MINDY2: variants seen among roughly 807,000 people sequenced by gnomAD.
MINDY2 encodes MINDY lysine 48 deubiquitinase 2.
Under a neutral mutation model 68.2 loss-of-function variants are expected in MINDY2, and 52 were observed. The observed-to-expected ratio is 0.76, with a 90% CI of 0.61 to 0.96. The LOEUF is 0.96. Ranked by LOEUF, MINDY2 falls within the 40% of genes least tolerant of loss-of-function variation. The pLI, the probability that MINDY2 is intolerant of heterozygous loss-of-function variation, is 0.00. For synonymous variants in MINDY2, 372 were observed against 303.0 expected, an observed-to-expected ratio of 1.23 and a Z score of -2.36; for missense variants, 881 against 773.4, an observed-to-expected ratio of 1.14 and a Z score of -1.65.
At chr15:58,777,076 A>G (rs1900817420) in intron 1 of MINDY2, among the ~76,000 whole-genome samples, 1 of 152,244 alleles carries the variant, frequency 6.6e-6, no homozygotes, top group African/African-American at 2.4e-5. Flanking sequence ...AATTTGAGGC[A>G]CAAACAGAAA....
intron 2 of MINDY2, among the ~76,000 whole-genome samples, chr15:58,788,829 G>A (rs1901682792): frequency 1.3e-5 from 2 of 151,840 alleles, no homozygotes; most frequent in African/African-American, 2.4e-5. Context: ...GGCCAACATG[G>A]TGAAACCCTG....
chr15:58,819,495 GA>G (rs1220688344), intron 4 of MINDY2, among the ~76,000 whole-genome samples: 2 of 151,938 alleles, frequency 1.3e-5, no homozygotes, highest in Non-Finnish European at 1.5e-5. Context: ...GACAGAGTAA[GA>G]AAAAAATCTC....
At position 58,831,828 on chromosome 15, in the gene MINDY2, G is replaced by T. The variant is rs2031741849; in HGVS notation, c.1280G>T (p.Gly427Val). The T allele has an allele frequency of 6.2e-7, 1 of 1,613,562 alleles. No homozygotes were observed. The highest frequency in any genetic ancestry group is 8.5e-7 in the Non-Finnish European group (1 of 1,179,816). The change falls in exon 6 of 9, where the codon GGA (glycine) becomes GTA (valine). Residue 427 changes from glycine to valine, a missense_variant. Gly to Val is a moderately radical substitution (Grantham distance 109). Transcript: ENST00000559228. The stretch of plus-strand genomic sequence containing the variant: ...ACAGCCACTCAACTGACATACCATG[G>T]ATTATGTGAACTAACTTCAACGGTT... ...NNTATQLTYH[G>V]LCELTSTVQE... is the part of the protein sequence containing the mutation.
chr15:58,813,062 T>G (rs1357033257), intron 4 of MINDY2, among the ~76,000 whole-genome samples: 1 of 152,200 alleles, frequency 6.6e-6, no homozygotes, highest in Non-Finnish European at 1.5e-5. Context: ...TGTAATCTTT[T>G]TGGATTGCAT....
intron 4 of MINDY2, among the ~76,000 whole-genome samples, chr15:58,817,936 T>G (rs2030806935): frequency 6.6e-6 from 1 of 152,146 alleles, no homozygotes; most frequent in Admixed American, 6.6e-5. Context: ...AGGATAAACG[T>G]CCTAGAATTT....
At chr15:58,819,093 C>T (rs1314226702) in intron 4 of MINDY2, among the ~76,000 whole-genome samples, 2 of 152,156 alleles carry the variant, frequency 1.3e-5, no homozygotes, top group African/African-American at 4.8e-5. Flanking sequence ...ATCCTTTCCT[C>T]AGCCTCTTGA....
intron 5 of MINDY2, among the ~76,000 whole-genome samples, chr15:58,824,671 CTT>C (rs559754099): frequency 7.7e-4 from 104 of 135,106 alleles, no homozygotes; most frequent in Middle Eastern, 3.8e-3. Flanking sequence ...ATCATATTAT[CTT>C]TTTTTTTTTT....
intron 5 of MINDY2, among the ~76,000 whole-genome samples, chr15:58,823,641 G>A (rs2031211217): frequency 1.3e-5 from 2 of 151,398 alleles, no homozygotes; most frequent in Admixed American, 1.3e-4. Flanking sequence ...CTCCAGCCTG[G>A]GCAACAGAAC....
At chr15:58,797,442 A>G (rs973954578) in intron 2 of MINDY2, among the ~76,000 whole-genome samples, 1 of 152,228 alleles carries the variant, frequency 6.6e-6, no homozygotes. Flanking sequence ...TGGAAGTTCA[A>G]GGCTGCAGTG....
chr15:58,816,299 C>T (rs1329436156), intron 4 of MINDY2, among the ~76,000 whole-genome samples: 1 of 152,322 alleles, frequency 6.6e-6, no homozygotes. Context: ...GCAGTTTATA[C>T]ATCCAAGGTT....
intron 2 of MINDY2, among the ~76,000 whole-genome samples, chr15:58,801,693 G>A (rs912757239): frequency 6.6e-6 from 1 of 152,104 alleles, no homozygotes; most frequent in African/African-American, 2.4e-5. Context: ...AGGCTGGAGT[G>A]CAGTGGCGCG....
At position 58,858,683 on chromosome 15, in the gene MINDY2, C is replaced by T. The variant is rs1380598261; in HGVS notation, c.*4073C>T. The T allele has an allele frequency of 6.6e-6, 1 of 152,002 alleles. No individual in the cohort carries two copies. The highest frequency in any genetic ancestry group is 2.4e-5 in the African/African-American group (1 of 41,384). 9.4% of individuals were successfully genotyped at this position (152,002 alleles called of 1,614,324 possible). A position where few individuals can be genotyped will look rare whatever the true frequency, so the allele number is the denominator to read the frequency against. ...TACATTTGATTAACTTTTCCTATTCCATGCACAAGTTACCTTAAAACATGA... is the reference window on the plus strand; with the variant it reads ...TACATTTGATTAACTTTTCCTATTCTATGCACAAGTTACCTTAAAACATGA... On this transcript the variant is annotated 3_prime_UTR_variant, in exon 9 of 9. Coordinates refer to ENST00000559228, the MANE Select transcript of MINDY2 (RefSeq NM_001040450.3).
intron 1 of MINDY2, among the ~76,000 whole-genome samples, chr15:58,786,825 A>T (rs1274138795): frequency 6.6e-6 from 1 of 151,926 alleles, no homozygotes; most frequent in East Asian, 1.9e-4. Flanking sequence ...CCGTTTCTTT[A>T]CTTAGTAATT....
chr15:58,818,651 A>ATTTTT (rs202083877), intron 4 of MINDY2, among the ~76,000 whole-genome samples: 20 of 131,552 alleles, frequency 1.5e-4, no homozygotes, highest in African/African-American at 5.8e-4. Context: ...TTGTATATTG[A>ATTTTT]TTTTTTTTTT....
In MINDY2 at chr15:58,828,694, G is replaced by C. The variant is rs1166948960; in HGVS notation, c.1226-3080G>C. Among the ~76,000 whole-genome samples, 17 of 149,330 alleles carry C rather than the reference G, an allele frequency of 1.1e-4. No homozygotes were observed. In the South Asian group the frequency reaches 3.1e-3, roughly 28 times the overall value. Reference sequence around the variant, plus strand: ...TCCTGCCTCAGCCTCCCGGGTAGCTGGGACTACAGGCGCCTGCCACCATGC... The same window carrying C: ...TCCTGCCTCAGCCTCCCGGGTAGCTCGGACTACAGGCGCCTGCCACCATGC... On this transcript the variant is annotated intron_variant, in intron 5 of 8. Coordinates refer to ENST00000559228, the MANE Select transcript of MINDY2 (RefSeq NM_001040450.3).
At chr15:58,813,489 C>CT (rs1328835302) in intron 4 of MINDY2, among the ~76,000 whole-genome samples, 3 of 152,218 alleles carry the variant, frequency 2.0e-5, no homozygotes, top group East Asian at 1.9e-4. Context: ...GAGCAAGACT[C>CT]TATCTCAAAC....
At chr15:58,808,767 A>G (rs930743727) in intron 3 of MINDY2, among the ~76,000 whole-genome samples, 2 of 151,712 alleles carry the variant, frequency 1.3e-5, no homozygotes, top group African/African-American at 4.8e-5. Flanking sequence ...ACCATGCCCG[A>G]CTAATTTTTT....
Position 58,831,931 on chromosome 15 carries a change from T to C in MINDY2, c.1368+15T>C, listed in dbSNP as rs1180365625. ...CCAAATACAAGGTATGATATAGAAA[T>C]AGCTATTTAATCGTGATTCTAAATC... On this transcript the variant is annotated intron_variant, in intron 6 of 8. Transcript: ENST00000559228. The C allele has an allele frequency of 1.9e-6, 3 of 1,602,600 alleles. No individual in the cohort carries two copies. The highest frequency in any genetic ancestry group is 2.6e-6 in the Non-Finnish European group (3 of 1,176,116).
At chr15:58,801,380 TAAAA>T (rs1188514448) in intron 2 of MINDY2, among the ~76,000 whole-genome samples, 48 of 22,612 alleles carry the variant, frequency 2.1e-3, no homozygotes, top group African/African-American at 6.3e-3. Flanking sequence ...CCCCATCTCT[TAAAA>T]AAAAAAAAAA....
Sources: gnomAD v4.1 joint callset for allele counts (sites outside exome capture counted in the v4.1 genomes callset) on GRCh38, gnomAD v4.1.1 for gene constraint, MANE v1.5 for transcripts, NCBI Gene and HGNC (gene_info 2026-07-23, HGNC 2026-07-21) for gene names.